Variants in ASIP observed in about 807,000 individuals in gnomAD.
ASIP encodes agouti signaling protein, also known as agouti-signaling protein.
Under a neutral mutation model 10.3 loss-of-function variants are expected in ASIP, and 11 were observed. The ratio of observed to expected loss-of-function variants is 1.07; its 90% CI spans 0.68 to 1.78. The LOEUF (loss-of-function observed/expected upper bound fraction) is 1.78, where lower values mean the gene tolerates loss of function less well. ASIP is among the 40% of genes most tolerant of loss of function. The pLI, the probability that ASIP is intolerant of heterozygous loss-of-function variation, is 0.00. For synonymous variants in ASIP, 70 were observed against 70.8 expected (o/e 0.99, Z 0.06); for missense variants, 180 against 169.2 (o/e 1.06, Z -0.35).
chr20:34,262,429 T>C (rs965933695), intron 2 of ASIP, among the ~76,000 whole-genome samples: 1 of 152,142 alleles, frequency 6.6e-6, no homozygotes, highest in Non-Finnish European at 1.5e-5. Context: ...CACAGGTGCA[T>C]CTGTGTACAA....
chr20:34,236,310 C>T (rs1224089197), intron 1 of ASIP, among the ~76,000 whole-genome samples: 4 of 151,866 alleles, frequency 2.6e-5, no homozygotes, highest in South Asian at 2.1e-4. Context: ...GAGGCCGAAG[C>T]GGGCAGATCA....
At chr20:34,220,177 A>C (rs1379481886) in intron 1 of ASIP, among the ~76,000 whole-genome samples, 1 of 152,214 alleles carries the variant, frequency 6.6e-6, no homozygotes, top group African/African-American at 2.4e-5. Flanking sequence ...TGTAGAACTG[A>C]CATACCCATA....
At chr20:34,212,830 A>G (rs1180825196) in intron 1 of ASIP, among the ~76,000 whole-genome samples, 4 of 152,176 alleles carry the variant, frequency 2.6e-5, no homozygotes, top group African/African-American at 9.7e-5. Flanking sequence ...AGCAATCTGT[A>G]GGGGAAATAC....
chr20:34,254,827 C>T (rs1176725405), intron 1 of ASIP, among the ~76,000 whole-genome samples: 5 of 152,098 alleles, frequency 3.3e-5, no homozygotes, highest in Non-Finnish European at 5.9e-5. Flanking sequence ...ACATATCCCT[C>T]CAGAATTGAG....
rs191017066 is a variant in ASIP at position 34,241,561 on chromosome 20, T to G, written c.-11+72T>G. The G allele has an allele frequency of 9.2e-6, 9 of 979,628 alleles. No individual in the cohort carries two copies. In the East Asian group the frequency reaches 9.1e-4, roughly 99 times the overall value. 60.7% of individuals were successfully genotyped at this position (979,628 alleles called of 1,614,324 possible). A position where few individuals can be genotyped will look rare whatever the true frequency, so the allele number is the denominator to read the frequency against. ...TGCTACTTTGGAAAGTTGAAAGGAC[T>G]TAACAGTTATCCCTCCTTTCTTGGA... On this transcript the variant is annotated intron_variant, in intron 1 of 3. Coordinates refer to ENST00000374954, the MANE Select transcript of ASIP (RefSeq NM_001672.3).
At chr20:34,188,370 T>G in the ASIP span, among the ~76,000 whole-genome samples, 1 of 152,198 alleles carries the variant, frequency 6.6e-6, no homozygotes, top group Admixed American at 6.5e-5. Context: ...AAGATGACTT[T>G]AGGCGGTAGA....
chr20:34,215,540 A>G (rs1332312126), intron 1 of ASIP: 12 of 1,513,238 alleles, frequency 7.9e-6, no homozygotes, highest in Non-Finnish European at 1.1e-5. Flanking sequence ...CCACTTAGTG[A>G]GATATTCTGC....
At chr20:34,241,548 A>C in intron 1 of ASIP, 59 bp downstream of exon 1, 3 of 984,982 alleles carry the variant, frequency 3.0e-6, no homozygotes, top group Non-Finnish European at 3.6e-6. Context: ...CTACTTTGGA[A>C]AGTTGAAAGG....
In ASIP at chr20:34,241,464, G is replaced by T. The variant is rs2035282528; in HGVS notation, c.-36G>T. The stretch of plus-strand genomic sequence containing the variant: ...TGCAAGGTGAAAAAGGAAGTTCCTT[G>T]GCCTGGGCTCTTTGCGGGAAAGCAT... On this transcript the variant is annotated 5_prime_UTR_variant, in exon 1 of 4. Coordinates refer to ENST00000374954, the MANE Select transcript of ASIP (RefSeq NM_001672.3). 2.0e-6 allele frequency: 2 copies of T among 985,294 alleles called. No individual in the cohort carries two copies. The highest frequency in any genetic ancestry group is 1.1e-4 in the East Asian group (1 of 8,824). 61.0% of individuals were successfully genotyped at this position (985,294 alleles called of 1,614,324 possible). A position where few individuals can be genotyped will look rare whatever the true frequency, so the allele number is the denominator to read the frequency against.
At chr20:34,225,352 T>TTCTTATCAACATTTG (rs2035085700) in intron 1 of ASIP, among the ~76,000 whole-genome samples, 1 of 150,910 alleles carries the variant, frequency 6.6e-6, no homozygotes, top group African/African-American at 2.4e-5. Context: ...ACCTTTGTTA[T>TTCTTATCAACATTTG]ATAGAAAATT....
intron 3 of ASIP, among the ~76,000 whole-genome samples, chr20:34,264,005 A>G (rs2035742414): frequency 6.6e-6 from 1 of 152,170 alleles, no homozygotes; most frequent in Non-Finnish European, 1.5e-5. Flanking sequence ...TTGAAGATTG[A>G]CAATTAGAAA....
intron 1 of ASIP, among the ~76,000 whole-genome samples, chr20:34,234,374 G>A (rs553853521): frequency 9.8e-5 from 15 of 152,324 alleles, no homozygotes; most frequent in Admixed American, 5.2e-4. Context: ...GATAGCTTTT[G>A]TTTTAGACCA....
intron 1 of ASIP, among the ~76,000 whole-genome samples, chr20:34,251,431 C>T (rs766534423): frequency 2.0e-5 from 3 of 151,878 alleles, no homozygotes; most frequent in Non-Finnish European, 4.4e-5. Context: ...CCACCACGCC[C>T]GGCTGATTTT....
At chr20:34,210,239 A>G (rs2034965480) in intron 1 of ASIP, among the ~76,000 whole-genome samples, 1 of 152,210 alleles carries the variant, frequency 6.6e-6, no homozygotes, top group Non-Finnish European at 1.5e-5. Context: ...GGGTGAAGAG[A>G]AGGATAGAAG....
intron 3 of ASIP, among the ~76,000 whole-genome samples, chr20:34,267,928 T>A (rs1160103272): frequency 1.4e-5 from 2 of 146,560 alleles, no homozygotes; most frequent in African/African-American, 5.5e-5. Context: ...GTGATTAATT[T>A]AAAAAGTTAT....
At chr20:34,249,870 T>G (rs557846276) in intron 1 of ASIP, 4 of 152,348 alleles carry the variant, frequency 2.6e-5, no homozygotes, top group African/African-American at 9.6e-5. Context: ...AAATCACATA[T>G]GCACAGTGTT....
chr20:34,220,447 T>G (rs1351776012), intron 1 of ASIP, among the ~76,000 whole-genome samples: 1 of 151,944 alleles, frequency 6.6e-6, no homozygotes, highest in African/African-American at 2.4e-5. Context: ...AATACAAAAA[T>G]TAGCCGGGTG....
chr20:34,237,264 CA>C (rs60026239), upstream of ASIP, among the ~76,000 whole-genome samples: 40,921 of 150,894 alleles, frequency 0.27, 9,663 homozygotes, highest in African/African-American at 0.64. Flanking sequence ...CTATTTCTGC[CA>C]AAAAAAACCT....
At chr20:34,225,892 CT>C (rs75406734) in intron 1 of ASIP, among the ~76,000 whole-genome samples, 38 of 147,636 alleles carry the variant, frequency 2.6e-4, no homozygotes, top group South Asian at 1.1e-3. Flanking sequence ...TGTGCACCTA[CT>C]TTTTTTTTTT....
Sources: allele counts gnomAD v4.1 joint callset (sites outside exome capture counted in the v4.1 genomes callset), GRCh38; gene constraint gnomAD v4.1.1; transcripts MANE v1.5; gene names NCBI Gene and HGNC (gene_info 2026-07-23, HGNC 2026-07-21).